The following NTM variants were observed in gnomAD, a reference collection of about 807,000 sequenced individuals.
NTM encodes IgLON family member 2.
Under a neutral mutation model 42.1 loss-of-function variants are expected in NTM, and 13 were observed. The observed-to-expected ratio is 0.31, with a 90% confidence interval of 0.20 to 0.49. NTM has a LOEUF of 0.49. Among genes scored for constraint, NTM ranks in the 20% least tolerant of loss-of-function variants. The pLI is 0.99. For missense variants in NTM, 373 were observed against 452.8 expected, an observed-to-expected ratio of 0.82 and a Z score of 1.60; for synonymous variants, 187 against 179.2, an observed-to-expected ratio of 1.04 and a Z score of -0.35.
chr11:131,455,748 A>G (rs1056518615), intron 1 of NTM, among the ~76,000 whole-genome samples: 1 of 152,152 alleles, frequency 6.6e-6, no homozygotes, highest in African/African-American at 2.4e-5. Context: ...ACATGCTGGG[A>G]GTGGTGGAGG....
At chr11:132,314,141 G>A (rs548336162) in intron 6 of NTM, among the ~76,000 whole-genome samples, 10 of 151,858 alleles carry the variant, frequency 6.6e-5, no homozygotes, top group Non-Finnish European at 1.5e-5. Flanking sequence ...TCAGAAGTTT[G>A]AGTTTTTCAT....
chr11:132,117,152 G>GT (rs1194103210), intron 2 of NTM, among the ~76,000 whole-genome samples: 5 of 152,262 alleles, frequency 3.3e-5, no homozygotes, highest in African/African-American at 7.2e-5. Flanking sequence ...TAAAATGATT[G>GT]TTTTTTTGTA....
At chr11:131,548,262 C>A (rs1592013181) in intron 1 of NTM, among the ~76,000 whole-genome samples, 1 of 152,080 alleles carries the variant, frequency 6.6e-6, no homozygotes, top group East Asian at 1.9e-4. Flanking sequence ...GCATGTTTTG[C>A]CTCCACCACC....
chr11:131,476,356 C>T lies in NTM; in HGVS notation c.82+105468C>T, dbSNP rs376175912. On this transcript the variant is annotated intron_variant, in intron 1 of 8. Coordinates refer to ENST00000683400, the MANE Select transcript of NTM (RefSeq NM_001352005.2). ...GTCTAAAACCAGGTAGCAGCAGGAC[C>T]CCAGCTAATCATGTACCTGGGCCCT... 9.2e-5 allele frequency among the ~76,000 whole-genome samples: 14 copies of T among 152,264 alleles called. No individual in the cohort carries two copies. The East Asian group carries it at 2.3e-3, about 25-fold the overall frequency.
At chr11:132,108,433 C>T (rs907289981) in intron 2 of NTM, among the ~76,000 whole-genome samples, 2 of 152,008 alleles carry the variant, frequency 1.3e-5, no homozygotes, top group East Asian at 1.9e-4. Flanking sequence ...AACTCAGGAG[C>T]GGAAAAACAG....
At chr11:132,276,497 C>T (rs984994409) in intron 4 of NTM, among the ~76,000 whole-genome samples, 11 of 152,134 alleles carry the variant, frequency 7.2e-5, no homozygotes, top group African/African-American at 2.4e-4. Flanking sequence ...ATAAAAAATA[C>T]TCCTTAACTG....
At chr11:131,436,680 CTTT>C (rs1213283716) in intron 1 of NTM, among the ~76,000 whole-genome samples, 2 of 151,944 alleles carry the variant, frequency 1.3e-5, no homozygotes, top group Non-Finnish European at 2.9e-5. Context: ...CTCTTTTCTT[CTTT>C]ATTAGTCTTG....
At position 132,320,319 on chromosome 11, in the gene NTM, G is replaced by A. The variant is rs375078141; in HGVS notation, c.934+5616G>A. On this transcript the variant is annotated intron_variant, in intron 7 of 8. Transcript: ENST00000683400. ...AGTGGGTGCAGGTCAGTGGGTGCACGCACCATGCGCGAGCCAAAGCAGGGC... is the reference window on the plus strand; with the variant it reads ...AGTGGGTGCAGGTCAGTGGGTGCACACACCATGCGCGAGCCAAAGCAGGGC... 1.7e-4 allele frequency among the ~76,000 whole-genome samples: 26 copies of A among 152,334 alleles called. No homozygotes were observed. In the East Asian group the frequency reaches 2.9e-3, roughly 17 times the overall value.
intron 1 of NTM, among the ~76,000 whole-genome samples, chr11:131,500,293 C>A (rs1254549475): frequency 6.6e-6 from 1 of 152,276 alleles, no homozygotes; most frequent in South Asian, 2.1e-4. Flanking sequence ...TTTACTGGCA[C>A]AGATTAGAAC....
chr11:132,220,884 C>G (rs2085008905), intron 4 of NTM, among the ~76,000 whole-genome samples: 1 of 152,184 alleles, frequency 6.6e-6, no homozygotes, highest in Admixed American at 6.5e-5. Context: ...GTAGCCCCTA[C>G]AGGGCAGGAG....
At chr11:131,931,848 G>A (rs1168623416) in intron 2 of NTM, among the ~76,000 whole-genome samples, 2 of 152,212 alleles carry the variant, frequency 1.3e-5, no homozygotes, top group South Asian at 4.1e-4. Context: ...CAGGGCGGCT[G>A]TGCCATGGCA....
intron 3 of NTM, among the ~76,000 whole-genome samples, chr11:132,193,946 A>G (rs1487209021): frequency 1.3e-5 from 2 of 152,174 alleles, no homozygotes; most frequent in African/African-American, 4.8e-5. Context: ...CAGACCAATA[A>G]TGAGTTCCAA....
chr11:131,413,192 C>T (rs989265046), intron 1 of NTM, among the ~76,000 whole-genome samples: 2 of 152,106 alleles, frequency 1.3e-5, no homozygotes, highest in African/African-American at 2.4e-5. Flanking sequence ...GTAACCTCCT[C>T]GGAGAAGTCA....
intron 1 of NTM, among the ~76,000 whole-genome samples, chr11:131,442,744 C>A (rs779256337): frequency 1.3e-5 from 2 of 152,014 alleles, no homozygotes; most frequent in Non-Finnish European, 2.9e-5. Flanking sequence ...CTACAAAGGA[C>A]ATAATTTCAT....
At chr11:131,767,754 T>C (rs563142821) in intron 1 of NTM, among the ~76,000 whole-genome samples, 2 of 152,264 alleles carry the variant, frequency 1.3e-5, no homozygotes, top group East Asian at 3.9e-4. Context: ...CCCTCAGCCT[T>C]TTTGCTGAAC....
intron 2 of NTM, among the ~76,000 whole-genome samples, chr11:131,934,653 G>A (rs2059015866): frequency 6.6e-6 from 1 of 152,168 alleles, no homozygotes; most frequent in Non-Finnish European, 1.5e-5. Context: ...TGCCTGGGTG[G>A]CTGGTGGGCT....
At chr11:131,989,209 T>G (rs1296284748) in intron 2 of NTM, among the ~76,000 whole-genome samples, 1 of 152,204 alleles carries the variant, frequency 6.6e-6, no homozygotes, top group African/African-American at 2.4e-5. Context: ...CTGCATGATG[T>G]CTTCCAAAAA....
intron 1 of NTM, among the ~76,000 whole-genome samples, chr11:131,546,164 C>A (rs572677387): frequency 2.0e-5 from 3 of 152,096 alleles, no homozygotes; most frequent in Non-Finnish European, 2.9e-5. Flanking sequence ...AGGTTTGAAG[C>A]GGGGCAATTG....
intron 2 of NTM, among the ~76,000 whole-genome samples, chr11:132,104,394 A>AT (rs1280497707): frequency 1.3e-5 from 2 of 150,214 alleles, no homozygotes; most frequent in East Asian, 2.0e-4. Context: ...CTGTTCATGT[A>AT]TTTTTTTCGT....
Sources: gnomAD v4.1 joint callset for allele counts (sites outside exome capture counted in the v4.1 genomes callset) on GRCh38, gnomAD v4.1.1 for gene constraint, MANE v1.5 for transcripts, NCBI Gene and HGNC (gene_info 2026-07-23, HGNC 2026-07-21) for gene names.